AGAP1: variants seen among roughly 807,000 people sequenced by gnomAD.
The protein encoded by AGAP1 is arf-GAP with GTPase, ANK repeat and PH domain-containing protein 1.
AGAP1 carries 29 observed loss-of-function variants against 105.3 expected under a neutral mutation model. The observed-to-expected ratio is 0.28, with a 90% CI of 0.21 to 0.38. AGAP1 has a LOEUF of 0.38. Ranked by LOEUF, AGAP1 falls within the 10% of genes least tolerant of loss-of-function variation. The pLI, the probability that AGAP1 is intolerant of heterozygous loss-of-function variation, is 1.00. For missense variants in AGAP1, 998 were observed against 1,165.1 expected, an observed-to-expected ratio of 0.86 and a Z score of 2.09; for synonymous variants, 509 against 485.9, an observed-to-expected ratio of 1.05 and a Z score of -0.63.
At chr2:235,862,176 C>T (rs1365510640) in intron 9 of AGAP1, among the ~76,000 whole-genome samples, 3 of 152,186 alleles carry the variant, frequency 2.0e-5, no homozygotes, top group Non-Finnish European at 2.9e-5. Flanking sequence ...TGGCTCCGTG[C>T]ACGTGCAGCC....
chr2:235,585,615 A>G (rs896706181), intron 1 of AGAP1, among the ~76,000 whole-genome samples: 2 of 152,116 alleles, frequency 1.3e-5, no homozygotes, highest in Non-Finnish European at 2.9e-5. Context: ...TGATCCTTAC[A>G]TCATCATCTG....
intron 11 of AGAP1, among the ~76,000 whole-genome samples, chr2:235,910,894 G>A (rs2051575403): frequency 3.5e-5 from 2 of 56,980 alleles, no homozygotes; most frequent in East Asian, 5.3e-3. Flanking sequence ...CAGCCTGCGC[G>A]ACAGAGTGAG....
rs1441723711 is a variant in AGAP1 at position 235,789,921 on chromosome 2, G to A, written c.674-7838G>A. ...AAATTTATGACCTGTTTAGTTGCAG[G>A]ATGTCTTACCTTCCTTGTTAGTATT... On this transcript the variant is annotated intron_variant, in intron 6 of 17. Coordinates refer to ENST00000304032, the MANE Select transcript of AGAP1 (RefSeq NM_001037131.3). This position sits in a 1 kb window ranked among gnomAD's most constrained non-coding sequence, Gnocchi z 4.2. Among the ~76,000 whole-genome samples the A allele has an allele frequency of 6.6e-6, 1 of 152,148 alleles. No homozygotes were observed.
chr2:235,887,857 A>G lies in AGAP1; in HGVS notation c.1155+4408A>G, dbSNP rs58459747. 0.047 allele frequency among the ~76,000 whole-genome samples: 7,175 copies of G among 152,222 alleles called. 413 individuals are homozygous for G. Among genetic ancestry groups the G allele is most frequent in the African/African-American group, 0.13 (5,546 of 41,510 alleles). On this transcript the variant is annotated intron_variant, in intron 10 of 17. Transcript: ENST00000304032. This position sits in a 1 kb window ranked among gnomAD's most constrained non-coding sequence, Gnocchi z 4.1. ...GGGATTCTAATCAGCTAATACTTCTATTATGGGGTGCTGACTTGAGAGCGC... is the reference window on the plus strand; with the variant it reads ...GGGATTCTAATCAGCTAATACTTCTGTTATGGGGTGCTGACTTGAGAGCGC...
rs898720509 is a variant in AGAP1 at position 235,864,509 on chromosome 2, G to A, written c.1051-18836G>A. ...GGCCGGAAGGTGGTTGAGCGTTTCC[G>A]CTCCACTGCGCGGCCCCGGAGCCCC... On this transcript the variant is annotated intron_variant, in intron 9 of 17. Transcript: ENST00000304032. This position sits in a 1 kb window ranked among gnomAD's most constrained non-coding sequence, Gnocchi z 5.0. 2.0e-5 allele frequency among the ~76,000 whole-genome samples: 3 copies of A among 152,198 alleles called. No homozygotes were observed. The highest frequency in any genetic ancestry group is 1.9e-4 in the East Asian group (1 of 5,186).
Position 235,976,951 on chromosome 2 carries a change from T to G in AGAP1, c.1645+8328T>G, listed in dbSNP as rs2054886610. On this transcript the variant is annotated intron_variant, in intron 13 of 17. Transcript: ENST00000304032. This position sits in a 1 kb window ranked among gnomAD's most constrained non-coding sequence, Gnocchi z 4.5. ...ACTCCTGACGCCACAGACAAGCATT[T>G]GAGCTCCTTAGCCTGCTACACAGAA... 6.6e-6 allele frequency among the ~76,000 whole-genome samples: 1 copy of G among 152,236 alleles called. No homozygotes were observed. The highest frequency in any genetic ancestry group is 2.4e-5 in the African/African-American group (1 of 41,464).
chr2:236,084,154 T>C lies in AGAP1; in HGVS notation c.2114+34873T>C, dbSNP rs373788577. On this transcript the variant is annotated intron_variant, in intron 16 of 17. Transcript: ENST00000304032. ...ACCAAAGTTCCCTCCTGTCTTGGAG[T>C]GGGGCTGGGAGGCCCCGGTGGGGAA... Among the ~76,000 whole-genome samples, 395 of 150,312 alleles carry C rather than the reference T, an allele frequency of 2.6e-3. 1 individual carries two copies. The highest frequency in any genetic ancestry group is 9.0e-3 in the African/African-American group (368 of 40,748).
At position 235,670,605 on chromosome 2, in the gene AGAP1, T is replaced by C. The variant is rs1307398921; in HGVS notation, c.164-38574T>C. On this transcript the variant is annotated intron_variant, in intron 1 of 17. Coordinates refer to ENST00000304032, the MANE Select transcript of AGAP1 (RefSeq NM_001037131.3). Reference sequence around the variant, plus strand: ...CCTGAGGCGCCGCAAGGCCGGACACTGGGCGGCGGAAGGCGCCACAGCAGC... The same window carrying C: ...CCTGAGGCGCCGCAAGGCCGGACACCGGGCGGCGGAAGGCGCCACAGCAGC... 3 of 570,214 alleles carry C rather than the reference T, an allele frequency of 5.3e-6. No homozygotes were observed. The Admixed American group carries it at 9.9e-5, about 19-fold the overall frequency. 35.3% of individuals were successfully genotyped at this position (570,214 alleles called of 1,614,324 possible).
Position 235,882,351 on chromosome 2 carries a change from C to T in AGAP1, c.1051-994C>T. 1 of 1,297,162 alleles carries T rather than the reference C, an allele frequency of 7.7e-7. No individual in the cohort carries two copies. The allele number at this position is 1,297,162 out of a possible 1,614,324, so 80.4% of individuals were successfully genotyped here. A position where few individuals can be genotyped will look rare whatever the true frequency, so the allele number is the denominator to read the frequency against. ...CTTAAGGATGACGAGGGCAGGAAAT[C>T]CTCCGGGCTCTTAGGAAATTTCACT... On this transcript the variant is annotated intron_variant, in intron 9 of 17. Coordinates refer to ENST00000304032, the MANE Select transcript of AGAP1 (RefSeq NM_001037131.3). This position sits in a 1 kb window ranked among gnomAD's most constrained non-coding sequence, Gnocchi z 4.6.
In AGAP1 at chr2:235,968,450, G is replaced by A. The variant is rs1397642102; in HGVS notation, c.1484-12G>A. The A allele has an allele frequency of 1.9e-6, 3 of 1,545,278 alleles. No individual in the cohort carries two copies. The highest frequency in any genetic ancestry group is 2.9e-5 in the African/African-American group (2 of 68,948). On this transcript the variant is annotated splice_polypyrimidine_tract_variant and intron_variant, in intron 12 of 17. Coordinates refer to ENST00000304032, the MANE Select transcript of AGAP1 (RefSeq NM_001037131.3). ...TTTTTTTTTTTTTTTGCCTTTTCCGGTCCAATGGCAGACACAGGGCTGGGT... is the reference window on the plus strand; with the variant it reads ...TTTTTTTTTTTTTTTGCCTTTTCCGATCCAATGGCAGACACAGGGCTGGGT...
At chr2:235,946,195 T>C (rs1575848337) in intron 12 of AGAP1, among the ~76,000 whole-genome samples, 1 of 152,258 alleles carries the variant, frequency 6.6e-6, no homozygotes, top group East Asian at 1.9e-4. Context: ...AAGCTGTTAA[T>C]TTTGGGGGTG....
chr2:235,780,194 GT>G (rs1358764425), intron 6 of AGAP1, among the ~76,000 whole-genome samples: 1 of 152,096 alleles, frequency 6.6e-6, no homozygotes, highest in Non-Finnish European at 1.5e-5. Flanking sequence ...GAAGAAGATA[GT>G]TTGTTGCTTT....
chr2:235,906,870 A>G lies in AGAP1; in HGVS notation c.1156-1868A>G, dbSNP rs1426955279. ...TCACAAGTGTGGGTGTTGCCCTGCA[A>G]TTAAAAGGTGGACTGCTTGCCTGTC... On this transcript the variant is annotated intron_variant, in intron 10 of 17. Coordinates refer to ENST00000304032, the MANE Select transcript of AGAP1 (RefSeq NM_001037131.3). This position sits in a 1 kb window ranked among gnomAD's most constrained non-coding sequence, Gnocchi z 5.3. 6.6e-6 allele frequency among the ~76,000 whole-genome samples: 1 copy of G among 151,182 alleles called. No individual in the cohort carries two copies. The highest frequency in any genetic ancestry group is 1.5e-5 in the Non-Finnish European group (1 of 68,018).
At chr2:235,773,964 G>A (rs748816552) in intron 6 of AGAP1, 13 of 470,678 alleles carry the variant, frequency 2.8e-5, no homozygotes, top group South Asian at 2.0e-4. Context: ...GGTCCATTCA[G>A]CCAACTTTTT....
rs568062980 is a variant in AGAP1 at position 235,617,361 on chromosome 2, G to A, written c.164-91818G>A. Among the ~76,000 whole-genome samples, 9 of 152,260 alleles carry A rather than the reference G, an allele frequency of 5.9e-5. No homozygotes were observed. The South Asian group carries it at 1.2e-3, about 21-fold the overall frequency. ...TTAGAATAGTGGTTGAAATCATGAGGCCCCAAATCAGCAGTGTGCTTGCTG... is the reference window on the plus strand; with the variant it reads ...TTAGAATAGTGGTTGAAATCATGAGACCCCAAATCAGCAGTGTGCTTGCTG... On this transcript the variant is annotated intron_variant, in intron 1 of 17. Coordinates refer to ENST00000304032, the MANE Select transcript of AGAP1 (RefSeq NM_001037131.3).
chr2:235,855,041 C>T lies in AGAP1; in HGVS notation c.1051-28304C>T, dbSNP rs1290210282. Among the ~76,000 whole-genome samples the T allele has an allele frequency of 6.6e-6, 1 of 152,154 alleles. No individual in the cohort carries two copies. Among genetic ancestry groups the T allele is most frequent in the Non-Finnish European group, 1.5e-5 (1 of 68,030 alleles). On this transcript the variant is annotated intron_variant, in intron 9 of 17. Transcript: ENST00000304032. The surrounding 1 kb of genome is among the most constrained non-coding windows in gnomAD (Gnocchi z 5.0). ...TTTGTTACTTCTGAAATCTTAATGCCAGTTATTTTAAACTAGGGTGACTAA... is the reference window on the plus strand; with the variant it reads ...TTTGTTACTTCTGAAATCTTAATGCTAGTTATTTTAAACTAGGGTGACTAA...
intron 9 of AGAP1, among the ~76,000 whole-genome samples, chr2:235,832,524 T>C (rs1959550292): frequency 6.6e-6 from 1 of 152,264 alleles, no homozygotes; most frequent in Admixed American, 6.5e-5. Context: ...AAAAGCACTT[T>C]TATACATTGT....
At chr2:235,537,492 C>T (rs1943278407) in intron 1 of AGAP1, among the ~76,000 whole-genome samples, 1 of 152,118 alleles carries the variant, frequency 6.6e-6, no homozygotes, top group South Asian at 2.1e-4. Flanking sequence ...TCTGGTTGCT[C>T]AGGCAGTGGG....
At chr2:236,041,113 A>G (rs1465469983) in intron 15 of AGAP1, among the ~76,000 whole-genome samples, 1 of 152,144 alleles carries the variant, frequency 6.6e-6, no homozygotes, top group Non-Finnish European at 1.5e-5. Context: ...CAAAGGATTC[A>G]ACCCCACACC....
Sources: gnomAD v4.1 joint callset for allele counts (sites outside exome capture counted in the v4.1 genomes callset) on GRCh38, gnomAD v4.1.1 for gene constraint, Gnocchi (gnomAD v3.1) non-coding constraint, MANE v1.5 for transcripts, NCBI Gene and HGNC (gene_info 2026-07-23, HGNC 2026-07-21) for gene names.